PTPRE: variants seen among roughly 807,000 people sequenced by gnomAD.
The protein encoded by PTPRE is protein tyrosine phosphatase receptor type E.
PTPRE carries 51 observed loss-of-function variants against 102.0 expected under a neutral mutation model. That is an observed-to-expected ratio of 0.50 (90% CI 0.40 to 0.63). PTPRE has a LOEUF of 0.63. PTPRE is among the 30% of genes least tolerant of loss of function. PTPRE has a pLI of 0.00. For synonymous variants in PTPRE, 345 were observed against 348.2 expected (o/e 0.99, Z 0.10); for missense variants, 752 against 915.1 (o/e 0.82, Z 2.30).
intron 16 of PTPRE, 128 bp from the exon 17 acceptor site, chr10:128,073,209 C>G: frequency 7.6e-7 from 1 of 1,318,462 alleles, no homozygotes; most frequent in Non-Finnish European, 1.0e-6. Context: ...CAACTGGGGT[C>G]TGGTGCAGAC....
chr10:128,079,917 C>A (rs1851554378), intron 20 of PTPRE, among the ~76,000 whole-genome samples: 1 of 152,152 alleles, frequency 6.6e-6, no homozygotes, highest in Non-Finnish European at 1.5e-5. Context: ...GGAGGAGGGG[C>A]CTGTCCGCCA....
intron 19 of PTPRE, 121 bp from the exon 20 acceptor site, chr10:128,079,439 C>T: frequency 7.5e-7 from 1 of 1,325,340 alleles, no homozygotes; most frequent in Non-Finnish European, 1.0e-6. Flanking sequence ...TTCAGTCAAA[C>T]TCAGATCATT....
chr10:127,959,953 C>T (rs952260919), intron 1 of PTPRE, among the ~76,000 whole-genome samples: 1 of 152,146 alleles, frequency 6.6e-6, no homozygotes, highest in Admixed American at 6.5e-5. Flanking sequence ...CTCTTTAGTG[C>T]TGTAAGAGAT....
intron 1 of PTPRE, among the ~76,000 whole-genome samples, chr10:127,917,749 G>T (rs1427216913): frequency 1.3e-5 from 2 of 152,116 alleles, no homozygotes; most frequent in Non-Finnish European, 2.9e-5. Flanking sequence ...TGCCATGTAG[G>T]CTGGGCACGG....
At chr10:128,050,919 G>C (rs1436511104) in intron 6 of PTPRE, among the ~76,000 whole-genome samples, 1 of 152,228 alleles carries the variant, frequency 6.6e-6, no homozygotes, top group Non-Finnish European at 1.5e-5. Flanking sequence ...GGTGGCCCAT[G>C]TAAACTGTAC....
At chr10:128,013,045 A>G (rs1845142907) in intron 2 of PTPRE, among the ~76,000 whole-genome samples, 1 of 152,220 alleles carries the variant, frequency 6.6e-6, no homozygotes, top group Non-Finnish European at 1.5e-5. Context: ...TGAAATTGGC[A>G]TGAATTTTCT....
Position 128,085,551 on chromosome 10 carries a change from CT to C in PTPRE, c.*2651del, listed in dbSNP as rs1355129756. 1 of 152,838 alleles carries C rather than the reference CT, an allele frequency of 6.5e-6. No individual in the cohort carries two copies. Among genetic ancestry groups the C allele is most frequent in the Non-Finnish European group, 1.5e-5 (1 of 68,200 alleles). The allele number at this position is 152,838 out of a possible 1,614,324, so 9.5% of individuals were successfully genotyped here. ...AGGTATTTTTATGTGTTTTTAAACA[CT>C]TTTTTAAATGAGCCTGACACCTGTG... On this transcript the variant is annotated 3_prime_UTR_variant, in exon 21 of 21. Transcript: ENST00000254667.
At chr10:127,909,204 A>G (rs1003788774) in intron 1 of PTPRE, among the ~76,000 whole-genome samples, 3 of 152,076 alleles carry the variant, frequency 2.0e-5, no homozygotes, top group Non-Finnish European at 4.4e-5. Flanking sequence ...TGTGCAAACC[A>G]TTGCCCCTGA....
intron 2 of PTPRE, among the ~76,000 whole-genome samples, chr10:128,001,213 CAT>C (rs747535098): frequency 4.7e-5 from 7 of 147,800 alleles, no homozygotes; most frequent in Non-Finnish European, 9.0e-5. Context: ...TGTGTGTGTG[CAT>C]GTGTGTGTGT....
intron 20 of PTPRE, 116 bp from the exon 21 acceptor site, chr10:128,082,716 A>G (rs1267903576): frequency 2.5e-6 from 3 of 1,197,152 alleles, no homozygotes; most frequent in Non-Finnish European, 3.4e-6. Context: ...ATAAAGGTAT[A>G]TGGTATTTTA....
At chr10:128,061,096 G>T in intron 8 of PTPRE, 81 bp downstream of exon 8, 1 of 1,411,644 alleles carries the variant, frequency 7.1e-7, no homozygotes, top group South Asian at 1.2e-5. Context: ...TGCCCGGAGT[G>T]TAAATTGTCA....
intron 1 of PTPRE, among the ~76,000 whole-genome samples, chr10:127,958,700 A>G (rs1344806442): frequency 9.2e-5 from 14 of 152,248 alleles, no homozygotes; most frequent in Admixed American, 2.0e-4. Flanking sequence ...TGAGGGTAAT[A>G]TGGGCATCAT....
intron 1 of PTPRE, among the ~76,000 whole-genome samples, chr10:127,971,789 G>T (rs1474952809): frequency 6.6e-6 from 1 of 152,224 alleles, no homozygotes; most frequent in African/African-American, 2.4e-5. Flanking sequence ...AGCCATGTGG[G>T]TGGCTCCCTC....
chr10:128,068,628 T>C (rs2136010595), intron 12 of PTPRE: 2 of 180,984 alleles, frequency 1.1e-5, no homozygotes, highest in African/African-American at 4.7e-5. Flanking sequence ...GAAAGCCCCC[T>C]GGTTTCTACA....
chr10:128,025,158 CAAAAAAAAAA>C (rs71472683), intron 2 of PTPRE, among the ~76,000 whole-genome samples: 43 of 65,790 alleles, frequency 6.5e-4, no homozygotes, highest in African/African-American at 2.6e-3. Flanking sequence ...GATCCTGTCT[CAAAAAAAAAA>C]AAAAAAAAAA....
At chr10:127,985,563 G>C (rs1852016450) in intron 2 of PTPRE, among the ~76,000 whole-genome samples, 1 of 152,064 alleles carries the variant, frequency 6.6e-6, no homozygotes, top group South Asian at 2.1e-4. Flanking sequence ...CAGCCTCCAT[G>C]ACAGAGTGAG....
chr10:127,982,184 A>C (rs376746338), intron 1 of PTPRE, 90 bp from the exon 2 acceptor site: 6 of 766,996 alleles, frequency 7.8e-6, no homozygotes, highest in Non-Finnish European at 1.1e-5. Context: ...GGGATAGTCG[A>C]CTAGTGCTGT....
At chr10:128,036,587 G>A (rs1847238706) in intron 2 of PTPRE, among the ~76,000 whole-genome samples, 2 of 151,924 alleles carry the variant, frequency 1.3e-5, no homozygotes, top group Non-Finnish European at 2.9e-5. Flanking sequence ...CATTGTCCTT[G>A]TCTCAGCTAA....
At chr10:127,917,326 C>T (rs1365085795) in intron 1 of PTPRE, among the ~76,000 whole-genome samples, 1 of 152,030 alleles carries the variant, frequency 6.6e-6, no homozygotes, top group East Asian at 1.9e-4. Flanking sequence ...AGTTTTTCAG[C>T]ATGAAACTGA....
Sources: gnomAD v4.1 joint callset for allele counts (sites outside exome capture counted in the v4.1 genomes callset) on GRCh38, gnomAD v4.1.1 for gene constraint, MANE v1.5 for transcripts, NCBI Gene and HGNC (gene_info 2026-07-23, HGNC 2026-07-21) for gene names.